DLG2: variants seen among roughly 807,000 people sequenced by gnomAD.
The protein encoded by DLG2 is disks large homolog 2.
DLG2 carries 45 observed loss-of-function variants against 132.5 expected under a neutral mutation model. That is an observed-to-expected ratio of 0.34 (90% CI 0.27 to 0.44). The LOEUF (loss-of-function observed/expected upper bound fraction) is 0.44, where lower values mean the gene tolerates loss of function less well. Among genes scored for constraint, DLG2 ranks in the 20% least tolerant of loss-of-function variants. The pLI, the probability that DLG2 is intolerant of heterozygous loss-of-function variation, is 1.00. For missense variants in DLG2, 1,045 were observed against 1,196.9 expected, an observed-to-expected ratio of 0.87 and a Z score of 1.87; for synonymous variants, 424 against 419.6, an observed-to-expected ratio of 1.01 and a Z score of -0.13.
intron 3 of DLG2, among the ~76,000 whole-genome samples, chr11:85,323,554 G>A (rs536117250): frequency 1.3e-5 from 2 of 152,174 alleles, no homozygotes; most frequent in African/African-American, 4.8e-5. Context: ...ATAAATTATT[G>A]TTAGCTATTC....
intron 20 of DLG2, among the ~76,000 whole-genome samples, chr11:83,538,640 T>C (rs950834195): frequency 2.0e-5 from 3 of 152,268 alleles, no homozygotes; most frequent in African/African-American, 7.2e-5. Flanking sequence ...CCTTATGAGG[T>C]TTTTGTGTAG....
intron 7 of DLG2, among the ~76,000 whole-genome samples, chr11:84,409,125 T>C (rs976323194): frequency 6.6e-6 from 1 of 152,130 alleles, no homozygotes; most frequent in South Asian, 2.1e-4. Flanking sequence ...TCCTTGCACT[T>C]CCCCCCAAGA....
intron 4 of DLG2, among the ~76,000 whole-genome samples, chr11:85,262,503 G>A (rs190526268): frequency 0.026 from 3,941 of 152,232 alleles, 87 homozygotes; most frequent in East Asian, 0.095. Flanking sequence ...GAGTCTGAAG[G>A]AACTCCTCAA....
chr11:84,528,839 G>C (rs777509320), intron 7 of DLG2, among the ~76,000 whole-genome samples: 3 of 152,170 alleles, frequency 2.0e-5, no homozygotes, highest in Non-Finnish European at 2.9e-5. Flanking sequence ...CAGTTGAACT[G>C]TGATAATAAC....
At chr11:85,493,712 A>G (rs1222000676) in intron 3 of DLG2, among the ~76,000 whole-genome samples, 1 of 101,086 alleles carries the variant, frequency 9.9e-6, no homozygotes, top group African/African-American at 3.9e-5. Context: ...AGAGAAAAGG[A>G]GGGGAGGGTA....
intron 5 of DLG2, among the ~76,000 whole-genome samples, chr11:85,122,488 G>A (rs2074437594): frequency 6.6e-6 from 1 of 152,190 alleles, no homozygotes; most frequent in South Asian, 2.1e-4. Flanking sequence ...ATGAAAGGTA[G>A]TGGGATCTGA....
chr11:83,771,454 C>T (rs945214508), intron 18 of DLG2, among the ~76,000 whole-genome samples: 11 of 152,124 alleles, frequency 7.2e-5, no homozygotes, highest in Admixed American at 5.2e-4. Context: ...TTTGGTGTCA[C>T]GGGAACATCT....
Position 84,373,265 on chromosome 11 carries a change from C to CAAAAAACAAAA in DLG2, c.520-121975_520-121974insTTTTGTTTTTT, listed in dbSNP as rs59038372. On this transcript the variant is annotated intron_variant, in intron 7 of 27. Transcript: ENST00000376104. Reference sequence around the variant, plus strand: ...AGAAACAGTCAAAAAAAAAAAAAAACAAAACAAAAAAAAAACCCACCAGGC... The same window carrying CAAAAAACAAAA: ...AGAAACAGTCAAAAAAAAAAAAAAACAAAAAACAAAAAAAACAAAAAAAAAACCCACCAGGC... 3.0e-4 allele frequency among the ~76,000 whole-genome samples: 29 copies of CAAAAAACAAAA among 98,050 alleles called. 1 individual carries two copies. The East Asian group carries it at 3.0e-3, about 10-fold the overall frequency. 64.3% of individuals were successfully genotyped at this position (98,050 alleles called of 152,430 possible).
chr11:83,502,098 C>A (rs985554844), intron 21 of DLG2, among the ~76,000 whole-genome samples: 2 of 152,126 alleles, frequency 1.3e-5, no homozygotes, highest in South Asian at 2.1e-4. Context: ...ACTCATATAG[C>A]GGATACTTTT....
At chr11:83,827,623 A>C (rs984403548) in intron 17 of DLG2, among the ~76,000 whole-genome samples, 11 of 152,200 alleles carry the variant, frequency 7.2e-5, no homozygotes, top group South Asian at 2.1e-4. Flanking sequence ...TTAGCAAGTC[A>C]GCTGGGGTGA....
chr11:85,533,444 A>G (rs1350118503), intron 3 of DLG2, among the ~76,000 whole-genome samples: 1 of 145,428 alleles, frequency 6.9e-6, no homozygotes, highest in East Asian at 1.9e-4. Context: ...AAATACATAT[A>G]TATACATAAA....
chr11:84,781,004 A>G (rs970680282), intron 6 of DLG2, among the ~76,000 whole-genome samples: 3 of 151,332 alleles, frequency 2.0e-5, no homozygotes, highest in Non-Finnish European at 3.0e-5. Context: ...GTACAAAAAA[A>G]AAAAAAAAAA....
At chr11:83,791,901 T>A (rs933861896) in intron 17 of DLG2, among the ~76,000 whole-genome samples, 4 of 152,252 alleles carry the variant, frequency 2.6e-5, no homozygotes, top group African/African-American at 9.6e-5. Flanking sequence ...ATTCACTATA[T>A]GCACATGCAA....
chr11:84,392,275 A>C (rs906154870), intron 7 of DLG2, among the ~76,000 whole-genome samples: 5 of 152,118 alleles, frequency 3.3e-5, no homozygotes, highest in Admixed American at 6.6e-5. Flanking sequence ...TATGTTCTAA[A>C]TGCCTACTAC....
intron 8 of DLG2, among the ~76,000 whole-genome samples, chr11:84,213,818 CAA>C (rs35761640): frequency 0.015 from 706 of 46,494 alleles, 4 homozygotes; most frequent in African/African-American, 0.039. Context: ...GACTCCGTCT[CAA>C]AAAAAAAAAA....
chr11:83,966,447 A>T (rs2090215744), intron 12 of DLG2, among the ~76,000 whole-genome samples: 1 of 151,996 alleles, frequency 6.6e-6, no homozygotes, highest in South Asian at 2.1e-4. Context: ...CTGTGATACA[A>T]ATGATACACT....
At chr11:85,462,553 A>G (rs1365938993) in intron 3 of DLG2, among the ~76,000 whole-genome samples, 8 of 152,168 alleles carry the variant, frequency 5.3e-5, no homozygotes, top group Non-Finnish European at 1.0e-4. Context: ...TCACAAGGAC[A>G]AAAAACCAAA....
intron 6 of DLG2, among the ~76,000 whole-genome samples, chr11:84,977,949 T>G (rs2509056): frequency 0.72 from 109,884 of 152,046 alleles, 40,716 homozygotes; most frequent in East Asian, 0.92. Flanking sequence ...AATTATGAAG[T>G]AACTGTTCAT....
intron 7 of DLG2, chr11:84,317,057 T>C (rs766992505): frequency 4.3e-6 from 7 of 1,612,836 alleles, no homozygotes; most frequent in Middle Eastern, 1.6e-4. Flanking sequence ...ACAGTGGGCA[T>C]CCCTGATCAG....
Sources: gnomAD v4.1 joint callset for allele counts (sites outside exome capture counted in the v4.1 genomes callset) on GRCh38, gnomAD v4.1.1 for gene constraint, MANE v1.5 for transcripts, NCBI Gene and HGNC (gene_info 2026-07-23, HGNC 2026-07-21) for gene names.